Variants in ERVV-2 observed in about 807,000 individuals in gnomAD.
The protein encoded by ERVV-2 is endogenous retrovirus group V member 2, envelope, also known as endogenous retrovirus group V member 2 Env polyprotein.
For synonymous variants in ERVV-2, 105 were observed against 184.6 expected, an observed-to-expected ratio of 0.57 and a Z score of 3.49; for missense variants, 291 against 495.1, an observed-to-expected ratio of 0.59 and a Z score of 3.91.
At position 53,050,918 on chromosome 19, in the gene ERVV-2, T is replaced by G; in HGVS notation, c.*59T>G. On this transcript the variant is annotated 3_prime_UTR_variant, in exon 2 of 2. Transcript: ENST00000601417. Reference sequence around the variant, plus strand: ...TTCGCCCCATGTCAGCAGGAAGTAGTTACAGAAGACCCACGACGTCCTTAC... The same window carrying G: ...TTCGCCCCATGTCAGCAGGAAGTAGGTACAGAAGACCCACGACGTCCTTAC... 1 of 1,431,336 alleles carries G rather than the reference T, an allele frequency of 7.0e-7. No homozygotes were observed. Among genetic ancestry groups the G allele is most frequent in the East Asian group, 2.5e-5 (1 of 40,298 alleles). The allele number at this position is 1,431,336 out of a possible 1,614,324, so 88.7% of individuals were successfully genotyped here.
Position 53,048,842 on chromosome 19 carries a change from A to G in ERVV-2, c.-385-25A>G, listed in dbSNP as rs151225068. 544 of 333,716 alleles carry G rather than the reference A, an allele frequency of 1.6e-3. 4 individuals carry two copies. Among genetic ancestry groups the G allele is most frequent in the African/African-American group, 0.011 (520 of 46,274 alleles). 20.7% of individuals were successfully genotyped at this position (333,716 alleles called of 1,614,324 possible). A position where few individuals can be genotyped will look rare whatever the true frequency, so the allele number is the denominator to read the frequency against. On this transcript the variant is annotated intron_variant, in intron 1 of 1. Coordinates refer to ENST00000601417, the MANE Select transcript of ERVV-2 (RefSeq NM_001191055.2). ...AACTCCCTTATGGAAAGACCCCTTTACTGTCTTACTTTCCACCCCAACAGC... is the reference window on the plus strand; with the variant it reads ...AACTCCCTTATGGAAAGACCCCTTTGCTGTCTTACTTTCCACCCCAACAGC...
At chr19:53,045,871 A>T (rs987299062) in intron 1 of ERVV-2, among the ~76,000 whole-genome samples, 26 of 152,230 alleles carry the variant, frequency 1.7e-4, no homozygotes, top group Admixed American at 1.5e-3. Context: ...GCTGATGTTT[A>T]TACTTTTTTC....
intron 1 of ERVV-2, among the ~76,000 whole-genome samples, chr19:53,048,659 G>C (rs1425804727): frequency 9.9e-6 from 1 of 101,216 alleles, no homozygotes; most frequent in Non-Finnish European, 1.8e-5. Flanking sequence ...TGGGCGACAA[G>C]AGCAAAATTC....
chr19:53,050,938 C>G lies in ERVV-2; in HGVS notation c.*79C>G. ...AGTAGTTACAGAAGACCCACGACGT[C>G]CTTACAACCAGAGCTTTTCAGGGTC... On this transcript the variant is annotated 3_prime_UTR_variant, in exon 2 of 2. Transcript: ENST00000601417. The G allele has an allele frequency of 7.5e-7, 1 of 1,331,496 alleles. No individual in the cohort carries two copies. The highest frequency in any genetic ancestry group is 1.5e-5 in the South Asian group (1 of 64,962). The allele number at this position is 1,331,496 out of a possible 1,614,324, so 82.5% of individuals were successfully genotyped here. A position where few individuals can be genotyped will look rare whatever the true frequency, so the allele number is the denominator to read the frequency against.
At chr19:53,045,358 A>G (rs1460251005) in intron 1 of ERVV-2, among the ~76,000 whole-genome samples, 1 of 151,856 alleles carries the variant, frequency 6.6e-6, no homozygotes, top group Non-Finnish European at 1.5e-5. Context: ...GCTGGAGCGC[A>G]GTGGTGTGAT....
chr19:53,045,724 T>C (rs1392017235), intron 1 of ERVV-2, among the ~76,000 whole-genome samples: 1 of 152,178 alleles, frequency 6.6e-6, no homozygotes, highest in Non-Finnish European at 1.5e-5. Context: ...GTCACTCTGC[T>C]TACTCTTTGC....
Position 53,050,555 on chromosome 19 carries a change from A to C in ERVV-2, c.1304A>C (p.Lys435Thr). 1.3e-6 allele frequency: 1 copy of C among 788,404 alleles called. No homozygotes were observed. The allele number at this position is 788,404 out of a possible 1,614,324, so 48.8% of individuals were successfully genotyped here. ...GCTACGTGGCTCCATGACTTTGGAAAAGGAGGTGCTTCAGCAAGGGCCATC... is the reference window on the plus strand; with the variant it reads ...GCTACGTGGCTCCATGACTTTGGAACAGGAGGTGCTTCAGCAAGGGCCATC... ...DEATWLHDFG[K>T]GGASARAIWE... The change falls in exon 2 of 2, where the codon AAA becomes ACA. Residue 435 changes from lysine to threonine, a missense_variant. By Grantham distance (78) the Lys-to-Thr change is moderately conservative (BLOSUM62 -1). Coordinates refer to ENST00000601417, the MANE Select transcript of ERVV-2 (RefSeq NM_001191055.2).
In ERVV-2 at chr19:53,044,830, C is replaced by T. The variant is rs1465974749; in HGVS notation, c.-514C>T. On this transcript the variant is annotated 5_prime_UTR_variant, in exon 1 of 2. Transcript: ENST00000601417. ...TGTCTCTTTAAATGAAGGGCATTTA[C>T]CCTTTAACTCTTTCTGCGCATCTCT... 6.6e-6 allele frequency: 1 copy of T among 152,036 alleles called. No individual in the cohort carries two copies. The highest frequency in any genetic ancestry group is 6.6e-5 in the Admixed American group (1 of 15,248). 9.4% of individuals were successfully genotyped at this position (152,036 alleles called of 1,614,324 possible). A position where few individuals can be genotyped will look rare whatever the true frequency, so the allele number is the denominator to read the frequency against.
intron 1 of ERVV-2, among the ~76,000 whole-genome samples, chr19:53,046,704 T>C (rs967873205): frequency 1.1e-4 from 16 of 152,212 alleles, no homozygotes; most frequent in African/African-American, 3.6e-4. Context: ...GGGGAAGATA[T>C]CACATCTTTT....
chr19:53,049,371 T>A lies in ERVV-2; in HGVS notation c.120T>A (p.His40Gln). 1 of 845,686 alleles carries A rather than the reference T, an allele frequency of 1.2e-6. No homozygotes were observed. Among genetic ancestry groups the A allele is most frequent in the Non-Finnish European group, 1.7e-6 (1 of 572,856 alleles). The allele number at this position is 845,686 out of a possible 1,614,324, so 52.4% of individuals were successfully genotyped here. The change falls in exon 2 of 2, where the codon CAT becomes CAA. Residue 40 changes from histidine (H) to glutamine (Q), a missense_variant. Coordinates refer to ENST00000601417, the MANE Select transcript of ERVV-2 (RefSeq NM_001191055.2). ...SFSKIIASGN[H>Q]LSNCWICHNF... ...CCAAAATAATTGCTTCGGGAAACCA[T>A]CTAAGCAACTGTTGGATCTGCCACA...
intron 1 of ERVV-2, among the ~76,000 whole-genome samples, chr19:53,047,309 C>G (rs561331649): frequency 6.6e-6 from 1 of 152,282 alleles, no homozygotes; most frequent in South Asian, 2.1e-4. Flanking sequence ...GATAGCGCCA[C>G]TGCACTCCAG....
chr19:53,046,827 G>A (rs1030826849), intron 1 of ERVV-2, among the ~76,000 whole-genome samples: 4 of 152,288 alleles, frequency 2.6e-5, no homozygotes, highest in East Asian at 1.9e-4. Flanking sequence ...CAAGGCGGGC[G>A]TGTCACCCGA....
Position 53,050,990 on chromosome 19 carries a change from G to GGGTAGGCA in ERVV-2, c.*142_*149dup. The GGGTAGGCA allele has an allele frequency of 1.2e-6, 1 of 851,914 alleles. No homozygotes were observed. The allele number at this position is 851,914 out of a possible 1,614,324, so 52.8% of individuals were successfully genotyped here. On this transcript the variant is annotated 3_prime_UTR_variant, in exon 2 of 2. Transcript: ENST00000601417. ...CCATCTCTTGAGGAGGGAAATATTA[G>GGGTAGGCA]GGTAGGCAGGTAGGCAGGCATGAGC...
rs2083908731 is a variant in ERVV-2 at position 53,050,605 on chromosome 19, C to T, written c.1354C>T (p.Pro452Ser). The T allele has an allele frequency of 9.0e-7, 1 of 1,114,874 alleles. No homozygotes were observed. Among genetic ancestry groups the T allele is most frequent in the African/African-American group, 1.6e-5 (1 of 64,422 alleles). 69.1% of individuals were successfully genotyped at this position (1,114,874 alleles called of 1,614,324 possible). The change falls in exon 2 of 2, where the codon CCC becomes TCC. Residue 452 changes from proline (P) to serine (S), a missense_variant. Pro to Ser is a moderately conservative substitution (Grantham distance 74). Transcript: ENST00000601417. ...CTGGGAGGCTGTGAAGTCTGCCCTCCCCTCCCTCAACTGGTTTGTCCCTTT... is the reference window on the plus strand; with the variant it reads ...CTGGGAGGCTGTGAAGTCTGCCCTCTCCTCCCTCAACTGGTTTGTCCCTTT... ...AIWEAVKSAL[P>S]SLNWFVPLLG...
rs938496168 is a variant in ERVV-2, at chr19:53,051,227, C to A, written c.*368C>A. Among the ~76,000 whole-genome samples, 1 of 147,770 alleles carries A rather than the reference C, an allele frequency of 6.8e-6. No homozygotes were observed. The highest frequency in any genetic ancestry group is 1.5e-5 in the Non-Finnish European group (1 of 67,178). On this transcript the variant is annotated 3_prime_UTR_variant, in exon 2 of 2. Transcript: ENST00000601417. ...AATGGTGCGATCTCGGCTCACTGCA[C>A]CCTCCACCTCCCAGGTTCAATTGAT... is the stretch of plus-strand genomic sequence containing the variant.
chr19:53,046,919 G>A (rs889755388), intron 1 of ERVV-2, among the ~76,000 whole-genome samples: 10 of 152,114 alleles, frequency 6.6e-5, no homozygotes, highest in African/African-American at 2.2e-4. Flanking sequence ...TATAATCCCA[G>A]CACTTTGGGA....
At chr19:53,047,652 A>G (rs2083896180) in intron 1 of ERVV-2, among the ~76,000 whole-genome samples, 1 of 152,156 alleles carries the variant, frequency 6.6e-6, no homozygotes, top group Non-Finnish European at 1.5e-5. Flanking sequence ...TTGCAGGGAG[A>G]GGCATGAGAC....
chr19:53,048,090 C>T (rs1050583037), intron 1 of ERVV-2, among the ~76,000 whole-genome samples: 1 of 152,126 alleles, frequency 6.6e-6, no homozygotes, highest in Non-Finnish European at 1.5e-5. Flanking sequence ...GCCTGTAATC[C>T]TAGCACTTTG....
intron 1 of ERVV-2, among the ~76,000 whole-genome samples, chr19:53,047,919 T>G (rs1355262317): frequency 6.6e-6 from 1 of 152,214 alleles, no homozygotes; most frequent in Non-Finnish European, 1.5e-5. Context: ...AATACCATAT[T>G]CCAGCTTGAC....
Sources: allele counts gnomAD v4.1 joint callset (sites outside exome capture counted in the v4.1 genomes callset), GRCh38; gene constraint gnomAD v4.1.1; transcripts MANE v1.5; gene names NCBI Gene and HGNC (gene_info 2026-07-23, HGNC 2026-07-21).